The following SAMD3 variants were observed in gnomAD, a reference collection of about 807,000 sequenced individuals.
The protein encoded by SAMD3 is sterile alpha motif domain-containing protein 3.
In SAMD3, 63 loss-of-function variants were observed where a neutral mutation model predicts 58.5. That is an observed-to-expected ratio of 1.08 (90% CI 0.88 to 1.33). SAMD3 has a LOEUF of 1.33. Ranked by LOEUF, SAMD3 falls within the 40% of genes most tolerant of loss-of-function variation. SAMD3 has a pLI of 0.00. For missense variants in SAMD3, 604 were observed against 608.4 expected (o/e 0.99, Z 0.08); for synonymous variants, 220 against 210.3 (o/e 1.05, Z -0.40).
intron 2 of SAMD3, among the ~76,000 whole-genome samples, chr6:130,236,354 T>C (rs1713354994): frequency 1.3e-5 from 2 of 151,516 alleles, no homozygotes; most frequent in Admixed American, 1.3e-4. Context: ...AAATAAATTA[T>C]AGTTAAGAAG....
intron 1 of SAMD3, among the ~76,000 whole-genome samples, chr6:130,315,085 G>A (rs982397147): frequency 4.3e-4 from 65 of 151,660 alleles, no homozygotes; most frequent in African/African-American, 1.5e-3. Context: ...TGAGCATTGA[G>A]AATAATATGG....
At chr6:130,303,107 C>A (rs1223465947) in intron 2 of SAMD3, among the ~76,000 whole-genome samples, 2 of 152,060 alleles carry the variant, frequency 1.3e-5, no homozygotes, top group Admixed American at 1.3e-4. Context: ...TAGAGGTGAT[C>A]GACTGTGTGC....
At chr6:130,364,718 AT>A (rs1778083621) in intron 1 of SAMD3, among the ~76,000 whole-genome samples, 1 of 152,008 alleles carries the variant, frequency 6.6e-6, no homozygotes, top group South Asian at 2.1e-4. Context: ...TTTATAAAAC[AT>A]TTTGATTGTG....
In SAMD3 at chr6:130,333,705, A is replaced by G. The variant is rs1777012169; in HGVS notation, c.-303-20612T>C. On this transcript the variant is annotated intron_variant, in intron 1 of 13. Coordinates refer to the SAMD3 transcript ENST00000368134. The stretch of plus-strand genomic sequence containing the variant: ...TCTTGTACTGTCCGACAGGGGAGAC[A>G]TTTAGTTTTAGTCATTAAGGCTGCA... 2.0e-5 allele frequency among the ~76,000 whole-genome samples: 3 copies of G among 152,214 alleles called. No individual in the cohort carries two copies. In the South Asian group the frequency reaches 6.2e-4, roughly 32 times the overall value.
intron 4 of SAMD3, among the ~76,000 whole-genome samples, chr6:130,213,789 T>C (rs1391121209): frequency 2.0e-5 from 3 of 152,178 alleles, no homozygotes; most frequent in Non-Finnish European, 2.9e-5. Context: ...CTACATAATT[T>C]TTTGGGGTGT....
intron 1 of SAMD3, among the ~76,000 whole-genome samples, chr6:130,322,333 G>T (rs1201375867): frequency 6.6e-6 from 1 of 152,200 alleles, no homozygotes; most frequent in Non-Finnish European, 1.5e-5. Flanking sequence ...AGGCATCAAG[G>T]CTGGAGTGGA....
rs771958559 is a variant in SAMD3 at position 130,144,557 on chromosome 6, T to TTTTC, written c.1522_1525dup (p.Lys509ArgfsTer37). The TTTTC allele has an allele frequency of 3.4e-4, 553 of 1,614,032 alleles. No homozygotes were observed. Among genetic ancestry groups the TTTTC allele is most frequent in the Admixed American group, 5.3e-4 (32 of 60,002 alleles). ...GTGCTGAAATCCTACTTCGTTTTCC[T>TTTTC]TTTCTTTCAAAGAAGGAAAATAAGG... On this transcript the variant is annotated frameshift_variant, in exon 12 of 12. Coordinates refer to ENST00000439090, the MANE Select transcript of SAMD3 (RefSeq NM_001017373.4). LOFTEE classifies it high-confidence loss of function.
intron 8 of SAMD3, among the ~76,000 whole-genome samples, chr6:130,169,817 T>C (rs1400720556): frequency 3.9e-5 from 6 of 152,162 alleles, no homozygotes; most frequent in Non-Finnish European, 8.8e-5. Flanking sequence ...GTGTGACCTC[T>C]TATCCCGCGG....
chr6:130,213,929 A>G lies in SAMD3; in HGVS notation c.269+408T>C, dbSNP rs147984285. Among the ~76,000 whole-genome samples, 657 of 152,316 alleles carry G rather than the reference A, an allele frequency of 4.3e-3. 6 individuals carry two copies. Among genetic ancestry groups the G allele is most frequent in the East Asian group, 0.039 (203 of 5,184 alleles). ...TAAATTCATTACTCTAAGAAATCCT[A>G]GGAAAATAAATAAATAGATTAATAA... On this transcript the variant is annotated intron_variant, in intron 4 of 11. Transcript: ENST00000439090.
intron 2 of SAMD3, among the ~76,000 whole-genome samples, chr6:130,271,176 T>G (rs1774549834): frequency 1.3e-5 from 2 of 152,028 alleles, no homozygotes; most frequent in Non-Finnish European, 2.9e-5. Context: ...GTTTTTGGAT[T>G]TTTTGTAGAG....
intron 2 of SAMD3, among the ~76,000 whole-genome samples, chr6:130,296,833 A>G (rs778191484): frequency 1.3e-5 from 2 of 152,186 alleles, no homozygotes; most frequent in Non-Finnish European, 2.9e-5. Flanking sequence ...ACCAAAGGTC[A>G]GTCTTTATGA....
At chr6:130,224,557 T>C (rs1297778307), upstream of SAMD3, among the ~76,000 whole-genome samples, 1 of 151,676 alleles carries the variant, frequency 6.6e-6, no homozygotes, top group African/African-American at 2.4e-5. Context: ...GGCCAGAATG[T>C]TCAAACTTTT....
intron 8 of SAMD3, among the ~76,000 whole-genome samples, chr6:130,170,383 T>C (rs1328208871): frequency 6.6e-6 from 1 of 152,256 alleles, no homozygotes; most frequent in Non-Finnish European, 1.5e-5. Context: ...GAACTCATTC[T>C]TTTTTATGGC....
At position 130,289,132 on chromosome 6, in the gene SAMD3, A is replaced by G. The variant is rs375553539; in HGVS notation, c.-188+23846T>C. Reference sequence around the variant, plus strand: ...CACAGGAGACATGGTGAATGAGCTTAAGGAGAAGGATGTTGTTGTTGAGGC... The same window carrying G: ...CACAGGAGACATGGTGAATGAGCTTGAGGAGAAGGATGTTGTTGTTGAGGC... On this transcript the variant is annotated intron_variant, in intron 2 of 13. Coordinates refer to the SAMD3 transcript ENST00000368134. 4.6e-5 allele frequency among the ~76,000 whole-genome samples: 7 copies of G among 152,266 alleles called. 1 individual carries two copies.
chr6:130,214,255 G>T, intron 4 of SAMD3, 82 bp downstream of exon 4: 2 of 1,170,766 alleles, frequency 1.7e-6, no homozygotes, highest in Non-Finnish European at 2.3e-6. Flanking sequence ...TTTTCCAAGG[G>T]CTTTAAACCC....
In SAMD3 at chr6:130,315,701, T is replaced by C. The variant is rs1230262378; in HGVS notation, c.-303-2608A>G. Among the ~76,000 whole-genome samples, 13 of 152,306 alleles carry C rather than the reference T, an allele frequency of 8.5e-5. No homozygotes were observed. In the South Asian group the frequency reaches 2.7e-3, roughly 32 times the overall value. On this transcript the variant is annotated intron_variant, in intron 1 of 13. Coordinates refer to the SAMD3 transcript ENST00000368134. ...ATTCCTTTTATTTGTTTTGGAAATA[T>C]TTTCATTTTTTCCAAACATTTAAAC... is the stretch of plus-strand genomic sequence containing the variant.
intron 2 of SAMD3, among the ~76,000 whole-genome samples, chr6:130,291,904 A>T (rs1403244138): frequency 6.6e-6 from 1 of 152,196 alleles, no homozygotes; most frequent in African/African-American, 2.4e-5. Flanking sequence ...ATGTGCCTTT[A>T]TATATTATGT....
upstream of SAMD3, among the ~76,000 whole-genome samples, chr6:130,227,781 TC>T (rs1796425205): frequency 8.0e-6 from 1 of 125,600 alleles, no homozygotes; most frequent in African/African-American, 3.7e-5. Context: ...AAAGCAAAAC[TC>T]CATCTCAAAA....
In SAMD3 at chr6:130,274,859, T is replaced by C. The variant is rs138810155; in HGVS notation, c.-188+38119A>G. On this transcript the variant is annotated intron_variant, in intron 2 of 13. Transcript: ENST00000368134. The stretch of plus-strand genomic sequence containing the variant: ...CTTTATATTTGATTGCAATGTCTCT[T>C]AAGACTCTTAAACTTAGTCCCTTAC... 7.1e-3 allele frequency among the ~76,000 whole-genome samples: 1,074 copies of C among 152,214 alleles called. 11 individuals carry two copies. Among genetic ancestry groups the C allele is most frequent in the Middle Eastern group, 0.017 (5 of 294 alleles).
Sources: allele counts gnomAD v4.1 joint callset (sites outside exome capture counted in the v4.1 genomes callset), GRCh38; gene constraint gnomAD v4.1.1; transcripts MANE v1.5; gene names NCBI Gene and HGNC (gene_info 2026-07-23, HGNC 2026-07-21).